The following MYO7B variants were observed in gnomAD, a reference collection of about 807,000 sequenced individuals.
The protein encoded by MYO7B is myosin VIIB, also known as unconventional myosin-VIIb.
MYO7B carries 212 observed loss-of-function variants against 259.7 expected under a neutral mutation model. The observed-to-expected ratio is 0.82, with a 90% CI of 0.73 to 0.91. MYO7B has a LOEUF of 0.91. Among genes scored for constraint, MYO7B ranks in the 40% least tolerant of loss-of-function variants. The pLI is 0.00. For synonymous variants in MYO7B, 1,197 were observed against 1,166.4 expected, an observed-to-expected ratio of 1.03 and a Z score of -0.54; for missense variants, 2,732 against 2,813.5, an observed-to-expected ratio of 0.97 and a Z score of 0.66.
intron 1 of MYO7B, among the ~76,000 whole-genome samples, chr2:127,555,876 T>A (rs188282769): frequency 2.6e-5 from 4 of 152,354 alleles, no homozygotes; most frequent in Admixed American, 2.6e-4. Flanking sequence ...ATTCTGTGGT[T>A]GTGGGGTAGA....
At position 127,621,979 on chromosome 2, in the gene MYO7B, C is replaced by T; in HGVS notation, c.3526-3C>T. On this transcript the variant is annotated splice_polypyrimidine_tract_variant and splice_region_variant and intron_variant, in intron 27 of 47. Transcript: ENST00000409816. Reference sequence around the variant, plus strand: ...CCTCCCTTCTCCCCTCCTCACCCACCAGTATCTACTGAACTTCATCGGCCA... The same window carrying T: ...CCTCCCTTCTCCCCTCCTCACCCACTAGTATCTACTGAACTTCATCGGCCA... 1 of 1,551,752 alleles carries T rather than the reference C, an allele frequency of 6.4e-7. No homozygotes were observed. Among genetic ancestry groups the T allele is most frequent in the Non-Finnish European group, 8.7e-7 (1 of 1,146,992 alleles).
At position 127,633,265 on chromosome 2, in the gene MYO7B, C is replaced by T. The variant is rs960112382; in HGVS notation, c.5413C>T (p.Pro1805Ser). ...RRIQKVLRTG[P>S]RKQPPHQVEV... ...ACACGCTGTCCCCCTCAGGACGGGG[C>T]CCCGGAAGCAGCCCCCGCACCAGGT... The change falls in exon 40 of 48, where the codon CCC becomes TCC. Residue 1805 changes from proline to serine, a missense_variant. This residue lies in a region of MYO7B where 821 missense variants were observed against 769.3 expected (regional missense o/e 1.07). Coordinates refer to ENST00000409816, the MANE Select transcript of MYO7B (RefSeq NM_001393586.1). 1.2e-6 allele frequency: 2 copies of T among 1,609,556 alleles called. No homozygotes were observed. Among genetic ancestry groups the T allele is most frequent in the African/African-American group, 1.3e-5 (1 of 74,844 alleles).
intron 1 of MYO7B, among the ~76,000 whole-genome samples, chr2:127,543,831 C>G (rs2116027): frequency 0.86 from 130,857 of 151,484 alleles, 56,657 homozygotes; most frequent in East Asian, 1. Flanking sequence ...CGCAAGCTCC[C>G]CCTGCCGGGT....
chr2:127,635,630 G>C, intron 43 of MYO7B, 92 bp from the exon 44 acceptor site: 1 of 1,365,322 alleles, frequency 7.3e-7, no homozygotes, highest in Non-Finnish European at 1.0e-6. Flanking sequence ...AGTGGGCTAA[G>C]CCCCAGTTCC....
chr2:127,634,207 G>C lies in MYO7B; in HGVS notation c.5543G>C (p.Arg1848Pro). 1 of 1,606,728 alleles carries C rather than the reference G, an allele frequency of 6.2e-7. No individual in the cohort carries two copies. The highest frequency in any genetic ancestry group is 8.5e-7 in the Non-Finnish European group (1 of 1,177,524). ...GAGGTGGTTGCCAACACACGGGTGCGGGATGTGTGTGACAGCATTGCCACC... is the reference window on the plus strand; with the variant it reads ...GAGGTGGTTGCCAACACACGGGTGCCGGATGTGTGTGACAGCATTGCCACC... ...MLEVVANTRV[R>P]DVCDSIATRL... The change falls in exon 41 of 48, where the codon CGG becomes CCG. Residue 1848 changes from arginine to proline, a missense_variant. Coordinates refer to ENST00000409816, the MANE Select transcript of MYO7B (RefSeq NM_001393586.1).
rs1463967571 is a variant in MYO7B at position 127,597,936 on chromosome 2, C to A, written c.2339+1380C>A. On this transcript the variant is annotated intron_variant, in intron 19 of 47. Coordinates refer to ENST00000409816, the MANE Select transcript of MYO7B (RefSeq NM_001393586.1). The surrounding 1 kb of genome is among the most constrained non-coding windows in gnomAD (Gnocchi z 4.8). ...TGCAGGTGTGAGCCACTGCGCCCAG[C>A]CAGTATTTTGTTACTTTTTATTGCT... 6.6e-6 allele frequency among the ~76,000 whole-genome samples: 1 copy of A among 152,138 alleles called. No homozygotes were observed. Among genetic ancestry groups the A allele is most frequent in the East Asian group, 1.9e-4 (1 of 5,198 alleles).
rs564591104 is a variant in MYO7B, at chr2:127,586,246, C to A, written c.1690+1333C>A. On this transcript the variant is annotated intron_variant, in intron 14 of 47. Coordinates refer to ENST00000409816, the MANE Select transcript of MYO7B (RefSeq NM_001393586.1). This position sits in a 1 kb window ranked among gnomAD's most constrained non-coding sequence, Gnocchi z 4.8. Reference sequence around the variant, plus strand: ...ATTTTGGGATATGTTGAGAGAGGATCGGTAATGGTTTTGACTGAAGAAGTG... The same window carrying A: ...ATTTTGGGATATGTTGAGAGAGGATAGGTAATGGTTTTGACTGAAGAAGTG... Among the ~76,000 whole-genome samples, 4 of 152,142 alleles carry A rather than the reference C, an allele frequency of 2.6e-5. No homozygotes were observed. The South Asian group carries it at 8.3e-4, about 32-fold the overall frequency.
At chr2:127,583,363 C>T (rs1679177273) in intron 12 of MYO7B, among the ~76,000 whole-genome samples, 1 of 152,252 alleles carries the variant, frequency 6.6e-6, no homozygotes, top group East Asian at 1.9e-4. Context: ...CCAGGGCCAG[C>T]CGGGGGTGCA....
Position 127,585,072 on chromosome 2 carries a change from C to T in MYO7B, c.1690+159C>T, listed in dbSNP as rs1481055791. Among the ~76,000 whole-genome samples, 2 of 152,084 alleles carry T rather than the reference C, an allele frequency of 1.3e-5. No individual in the cohort carries two copies. The highest frequency in any genetic ancestry group is 2.4e-5 in the African/African-American group (1 of 41,406). On this transcript the variant is annotated intron_variant, in intron 14 of 47. Transcript: ENST00000409816. This position sits in a 1 kb window ranked among gnomAD's most constrained non-coding sequence, Gnocchi z 4.3. ...TACTGGAGAAAGAAAATGGAGTGGA[C>T]CGGGCATGTTTTGTTTTGTTTCTGG...
Position 127,559,550 on chromosome 2 carries a change from C to T in MYO7B, c.-23-150C>T. On this transcript the variant is annotated intron_variant, in intron 1 of 47. Transcript: ENST00000409816. This position sits in a 1 kb window ranked among gnomAD's most constrained non-coding sequence, Gnocchi z 4.1. The stretch of plus-strand genomic sequence containing the variant: ...TTGCACTTGGGCTAGGACTGTGACT[C>T]ATTCATCCATTTATTCAGCATTGTT... 3 of 687,026 alleles carry T rather than the reference C, an allele frequency of 4.4e-6. 1 individual carries two copies. The highest frequency in any genetic ancestry group is 3.4e-5 in the South Asian group (2 of 58,832). 42.6% of individuals were successfully genotyped at this position (687,026 alleles called of 1,614,324 possible). A position where few individuals can be genotyped will look rare whatever the true frequency, so the allele number is the denominator to read the frequency against.
intron 47 of MYO7B, 190 bp downstream of exon 47, chr2:127,637,103 G>A: frequency 9.0e-7 from 1 of 1,109,720 alleles, no homozygotes; most frequent in Non-Finnish European, 1.3e-6. Context: ...AGGCCAGGCG[G>A]GACCCCCTGC....
At chr2:127,620,244 C>G in intron 26 of MYO7B, 96 bp from the exon 27 acceptor site, 1 of 1,433,586 alleles carries the variant, frequency 7.0e-7, no homozygotes, top group Non-Finnish European at 9.4e-7. Flanking sequence ...CATATGGGAC[C>G]TCTCAGAGGT....
chr2:127,608,854 G>A lies in MYO7B; in HGVS notation c.2790G>A (p.Glu930=). 1 of 1,613,270 alleles carries A rather than the reference G, an allele frequency of 6.2e-7. No homozygotes were observed. Among genetic ancestry groups the A allele is most frequent in the Non-Finnish European group, 8.5e-7 (1 of 1,179,786 alleles). Reference sequence around the variant, plus strand: ...TCCCTGCCATGATTGGGGGCCAGGAGGGCCAGGCCTCGCCGCACTTTGAGG... The same window carrying A: ...TCCCTGCCATGATTGGGGGCCAGGAAGGCCAGGCCTCGCCGCACTTTGAGG... ...GFLPAMIGGQ[E]GQASPHFEDL... is the part of the protein sequence containing the mutation. The change falls in exon 22 of 48, where the codon GAG becomes GAA. Residue 930 remains glutamate (E), a synonymous_variant. Transcript: ENST00000409816.
chr2:127,562,602 G>A (rs13407394), intron 2 of MYO7B, among the ~76,000 whole-genome samples: 8 of 146,110 alleles, frequency 5.5e-5, no homozygotes, highest in East Asian at 2.1e-4. Context: ...ATTCTCCTGC[G>A]TCAGCCTCCC....
rs1402354404 is a variant in MYO7B at position 127,609,299 on chromosome 2, C to T, written c.2815-207C>T. Among the ~76,000 whole-genome samples the T allele has an allele frequency of 1.3e-5, 2 of 152,130 alleles. No individual in the cohort carries two copies. Among genetic ancestry groups the T allele is most frequent in the Non-Finnish European group, 1.5e-5 (1 of 67,998 alleles). On this transcript the variant is annotated intron_variant, in intron 22 of 47. Coordinates refer to ENST00000409816, the MANE Select transcript of MYO7B (RefSeq NM_001393586.1). This position sits in a 1 kb window ranked among gnomAD's most constrained non-coding sequence, Gnocchi z 6.9. The stretch of plus-strand genomic sequence containing the variant: ...AGGGGAGAGGGCAGGAGCCCTGCCC[C>T]TGCCCGGCAGGGTGTGTAGAGAGCC...
chr2:127,565,343 G>A lies in MYO7B; in HGVS notation c.243G>A (p.Met81Ile), dbSNP rs778120750. 1.9e-6 allele frequency: 3 copies of A among 1,614,058 alleles called. No individual in the cohort carries two copies. In the South Asian group the frequency reaches 3.3e-5, roughly 18 times the overall value. The change falls in exon 4 of 48, where the codon ATG (methionine) becomes ATA (isoleucine). Residue 81 changes from methionine (M) to isoleucine (I), a missense_variant. Physicochemically the swap from Met to Ile is conservative, Grantham distance 10 (BLOSUM62 1). Around this residue, in one of 3 missense-constraint regions of MYO7B, gnomAD observed 1,906 missense variants for 2,026.4 expected, o/e 0.94. Coordinates refer to ENST00000409816, the MANE Select transcript of MYO7B (RefSeq NM_001393586.1). Reference protein sequence around the residue: ...IRLGDLNEAGMVHNLLIRYQQ... With the variant: ...IRLGDLNEAGIVHNLLIRYQQ... ...TGGGGGACCTGAACGAGGCAGGCAT[G>A]GTGCACAACCTCCTGATCCGCTACC...
Position 127,590,169 on chromosome 2 carries a change from G to T in MYO7B, c.1932G>T (p.Leu644=), listed in dbSNP as rs1407424405. Residue 644 remains leucine, a synonymous_variant, in exon 16 of 48, where the codon CTG becomes CTT. Transcript: ENST00000409816. The surrounding 1 kb of genome is among the most constrained non-coding windows in gnomAD (Gnocchi z 4.6). ...KQSLDQLMKI[L]TNCQPYFIRC... ...CTCTGGACCAGCTGATGAAAATCCT[G>T]ACCAACTGCCAGCCTTACTTCATCC... 1 of 1,612,534 alleles carries T rather than the reference G, an allele frequency of 6.2e-7. No homozygotes were observed. Among genetic ancestry groups the T allele is most frequent in the African/African-American group, 1.3e-5 (1 of 74,912 alleles).
rs1173199268 is a variant in MYO7B, at chr2:127,609,456, G to T, written c.2815-50G>T. 1.9e-6 allele frequency: 3 copies of T among 1,543,104 alleles called. No individual in the cohort carries two copies. In the Admixed American group the frequency reaches 5.7e-5, roughly 29 times the overall value. On this transcript the variant is annotated intron_variant, in intron 22 of 47. Transcript: ENST00000409816. This position sits in a 1 kb window ranked among gnomAD's most constrained non-coding sequence, Gnocchi z 6.9. ...TGCTGGACAGTCAGCTGATGGGTTG[G>T]TTGTTACCTGAAAGCCCTGCTGACC...
At position 127,609,588 on chromosome 2, in the gene MYO7B, A is replaced by T; in HGVS notation, c.2897A>T (p.Asp966Val). The change falls in exon 23 of 48, where the codon GAT (aspartate) becomes GTT (valine). Residue 966 changes from aspartate to valine, a missense_variant. Physicochemically the swap from Asp to Val is radical, Grantham distance 152. This residue lies in a region of MYO7B where 1,906 missense variants were observed against 2,026.4 expected (regional missense o/e 0.94). Coordinates refer to ENST00000409816, the MANE Select transcript of MYO7B (RefSeq NM_001393586.1). The surrounding 1 kb of genome is among the most constrained non-coding windows in gnomAD (Gnocchi z 6.9). ...PMAEEPEEDVDGLAEYTFPKF... is the reference protein window; with the variant it reads ...PMAEEPEEDVVGLAEYTFPKF... ...GCGGAGGAGCCTGAGGAGGATGTGG[A>T]TGGCCTGGCCGAGTACACCTTCCCC... The T allele has an allele frequency of 6.2e-7, 1 of 1,614,008 alleles. No homozygotes were observed. Among genetic ancestry groups the T allele is most frequent in the Non-Finnish European group, 8.5e-7 (1 of 1,179,880 alleles).
Sources: gnomAD v4.1 joint callset for allele counts (sites outside exome capture counted in the v4.1 genomes callset) on GRCh38, gnomAD v4.1.1 for gene constraint, gnomAD v4.1.1 regional missense constraint, Gnocchi (gnomAD v3.1) non-coding constraint, MANE v1.5 for transcripts, NCBI Gene and HGNC (gene_info 2026-07-23, HGNC 2026-07-21) for gene names.